Variants in CTNNA2 observed in about 807,000 individuals in gnomAD.
CTNNA2 encodes catenin alpha 2, also known as catenin alpha-2.
CTNNA2 carries 42 observed loss-of-function variants against 101.0 expected under a neutral mutation model. That is an observed-to-expected ratio of 0.42 (90% CI 0.32 to 0.54). CTNNA2 has a LOEUF of 0.54. CTNNA2 is among the 20% of genes least tolerant of loss of function. CTNNA2 has a pLI of 0.14. For missense variants in CTNNA2, 871 were observed against 1,223.1 expected, an observed-to-expected ratio of 0.71 and a Z score of 4.29; for synonymous variants, 450 against 456.4, an observed-to-expected ratio of 0.99 and a Z score of 0.18.
At chr2:79,391,984 T>A (rs1678178317) in intron 4 of CTNNA2, among the ~76,000 whole-genome samples, 1 of 152,158 alleles carries the variant, frequency 6.6e-6, no homozygotes. Context: ...TGTCTCTGTG[T>A]GTGTCCAGAT....
rs1252785141 is a variant in CTNNA2, at chr2:80,465,338, C to T, written c.1290+45737C>T. Among the ~76,000 whole-genome samples, 4 of 152,128 alleles carry T rather than the reference C, an allele frequency of 2.6e-5. No homozygotes were observed. The East Asian group carries it at 7.7e-4, about 29-fold the overall frequency. On this transcript the variant is annotated intron_variant, in intron 9 of 18. Transcript: ENST00000402739. ...CCCCAAATTATGAATTATATTTATT[C>T]CATTGTCCAAGCTTAATGACTATGT...
Position 80,303,923 on chromosome 2 carries a change from A to G in CTNNA2, c.1057-89288A>G, listed in dbSNP as rs1676640611. 7.4e-6 allele frequency: 10 copies of G among 1,344,984 alleles called. No homozygotes were observed. Among genetic ancestry groups the G allele is most frequent in the Non-Finnish European group, 8.8e-6 (9 of 1,019,086 alleles). The allele number at this position is 1,344,984 out of a possible 1,614,324, so 83.3% of individuals were successfully genotyped here. A position where few individuals can be genotyped will look rare whatever the true frequency, so the allele number is the denominator to read the frequency against. On this transcript the variant is annotated intron_variant, in intron 7 of 18. Coordinates refer to ENST00000402739, the MANE Select transcript of CTNNA2 (RefSeq NM_001282597.3). The surrounding 1 kb of genome is among the most constrained non-coding windows in gnomAD (Gnocchi z 7.7). ...GAGGGAGGGGAAGCGGGGGAGGGGG[A>G]GAAAAGGGCAAAAAATCAAATAAAT...
chr2:79,924,868 G>A (rs1190796495), intron 7 of CTNNA2, among the ~76,000 whole-genome samples: 2 of 152,062 alleles, frequency 1.3e-5, no homozygotes, highest in African/African-American at 4.8e-5. Context: ...AGAAAGTGTG[G>A]TTGTGAATAC....
At chr2:79,544,877 C>G (rs1673636896) in intron 1 of CTNNA2, among the ~76,000 whole-genome samples, 1 of 152,234 alleles carries the variant, frequency 6.6e-6, no homozygotes, top group East Asian at 1.9e-4. Flanking sequence ...AACTGTCAAT[C>G]TTAAAACTCC....
intron 9 of CTNNA2, among the ~76,000 whole-genome samples, chr2:80,466,644 C>A (rs1375810243): frequency 6.6e-6 from 1 of 152,136 alleles, no homozygotes; most frequent in African/African-American, 2.4e-5. Flanking sequence ...GCAATGTTCA[C>A]AAACAGATGG....
intron 9 of CTNNA2, among the ~76,000 whole-genome samples, chr2:80,478,837 T>G (rs1245625915): frequency 6.6e-6 from 1 of 152,132 alleles, no homozygotes; most frequent in African/African-American, 2.4e-5. Context: ...TTGTTCTTTT[T>G]GCTTAGCATT....
chr2:79,471,496 C>T (rs570616646), intron 4 of CTNNA2, among the ~76,000 whole-genome samples: 24 of 152,214 alleles, frequency 1.6e-4, no homozygotes, highest in African/African-American at 5.3e-4. Context: ...TTCATGATGG[C>T]TCTATTCTCA....
intron 2 of CTNNA2, among the ~76,000 whole-genome samples, chr2:79,684,425 C>T (rs1391449609): frequency 6.6e-6 from 1 of 152,074 alleles, no homozygotes; most frequent in Non-Finnish European, 1.5e-5. Context: ...GTAGTTTATT[C>T]TTAACATATT....
At chr2:79,922,754 T>C (rs1686759271) in intron 7 of CTNNA2, among the ~76,000 whole-genome samples, 2 of 152,132 alleles carry the variant, frequency 1.3e-5, no homozygotes, top group African/African-American at 4.8e-5. Context: ...TAGCATGCTA[T>C]CTTCAATGAA....
chr2:79,483,514 G>A (rs749674599), intron 4 of CTNNA2, among the ~76,000 whole-genome samples: 7 of 152,112 alleles, frequency 4.6e-5, no homozygotes, highest in Non-Finnish European at 8.8e-5. Flanking sequence ...AGTAATTGTT[G>A]GGAGGATCCA....
At chr2:80,231,257 G>A (rs1709193806) in intron 7 of CTNNA2, among the ~76,000 whole-genome samples, 1 of 152,052 alleles carries the variant, frequency 6.6e-6, no homozygotes, top group Non-Finnish European at 1.5e-5. Context: ...AGAGTATTAT[G>A]ATTACAGGTG....
chr2:80,485,232 A>G (rs950891983), intron 9 of CTNNA2, among the ~76,000 whole-genome samples: 4 of 152,184 alleles, frequency 2.6e-5, no homozygotes, highest in Non-Finnish European at 5.9e-5. Context: ...TTTGATCAGA[A>G]TATTTGTTTT....
At chr2:79,848,732 T>C (rs1434115) in intron 3 of CTNNA2, among the ~76,000 whole-genome samples, 6 of 152,142 alleles carry the variant, frequency 3.9e-5, no homozygotes, top group Admixed American at 2.0e-4. Context: ...ATAGGGCAAA[T>C]ATTACATTGG....
At chr2:79,550,180 C>T (rs1674006186) in intron 1 of CTNNA2, among the ~76,000 whole-genome samples, 1 of 152,314 alleles carries the variant, frequency 6.6e-6, no homozygotes, top group Middle Eastern at 3.4e-3. Context: ...TGAATTTCCC[C>T]TTTCTGCACT....
intron 2 of CTNNA2, among the ~76,000 whole-genome samples, chr2:79,741,931 C>A (rs1350883842): frequency 7.2e-5 from 11 of 152,000 alleles, no homozygotes; most frequent in Admixed American, 5.9e-4. Flanking sequence ...ATGACATGAG[C>A]CTTTATGGAA....
At chr2:79,982,035 T>G (rs1158763075) in intron 7 of CTNNA2, among the ~76,000 whole-genome samples, 1 of 150,546 alleles carries the variant, frequency 6.6e-6, no homozygotes, top group African/African-American at 2.4e-5. Flanking sequence ...TAGTGTTTTG[T>G]TTTTGTTTTT....
intron 7 of CTNNA2, among the ~76,000 whole-genome samples, chr2:80,213,138 A>G (rs1708011911): frequency 6.6e-6 from 1 of 151,580 alleles, no homozygotes; most frequent in South Asian, 2.1e-4. Flanking sequence ...CGGCCCATCA[A>G]TTTTGTTGAT....
intron 7 of CTNNA2, among the ~76,000 whole-genome samples, chr2:80,357,651 A>G (rs1344106934): frequency 1.3e-5 from 2 of 152,136 alleles, no homozygotes; most frequent in African/African-American, 2.4e-5. Flanking sequence ...TGAGGCCTGC[A>G]TACTAAAGAC....
intron 2 of CTNNA2, among the ~76,000 whole-genome samples, chr2:79,730,501 T>G (rs1687130102): frequency 1.3e-5 from 2 of 152,154 alleles, no homozygotes; most frequent in South Asian, 4.1e-4. Flanking sequence ...CTTATCTCCC[T>G]GTGGCTTTCA....
Sources: gnomAD v4.1 joint callset for allele counts (sites outside exome capture counted in the v4.1 genomes callset) on GRCh38, gnomAD v4.1.1 for gene constraint, Gnocchi (gnomAD v3.1) non-coding constraint, MANE v1.5 for transcripts, NCBI Gene and HGNC (gene_info 2026-07-23, HGNC 2026-07-21) for gene names.